TLK2: variants seen among roughly 807,000 people sequenced by gnomAD.
TLK2 encodes the protein serine/threonine-protein kinase tousled-like 2.
TLK2 carries 6 observed loss-of-function variants against 117.3 expected under a neutral mutation model. The observed-to-expected ratio is 0.05, with a 90% CI of 0.03 to 0.10. The LOEUF is 0.10. TLK2 is among the 10% of genes least tolerant of loss of function. TLK2 has a pLI of 1.00. For synonymous variants in TLK2, 257 were observed against 316.7 expected, an observed-to-expected ratio of 0.81 and a Z score of 2.00; for missense variants, 299 against 901.2, an observed-to-expected ratio of 0.33 and a Z score of 8.56.
rs1420587981 is a variant in TLK2 at position 62,614,226 on chromosome 17, T to A, written c.*1661T>A. Reference sequence around the variant, plus strand: ...ATTTGGTTGTTTCTGAGATGTATGATCAACTGAAGATGGAGCTGAAATGGG... The same window carrying A: ...ATTTGGTTGTTTCTGAGATGTATGAACAACTGAAGATGGAGCTGAAATGGG... On this transcript the variant is annotated 3_prime_UTR_variant, in exon 22 of 22. Coordinates refer to ENST00000346027, the MANE Select transcript of TLK2 (RefSeq NM_006852.6). 3.9e-5 allele frequency: 6 copies of A among 151,928 alleles called. No homozygotes were observed. The highest frequency in any genetic ancestry group is 8.8e-5 in the Non-Finnish European group (6 of 68,016). 9.4% of individuals were successfully genotyped at this position (151,928 alleles called of 1,614,324 possible). A position where few individuals can be genotyped will look rare whatever the true frequency, so the allele number is the denominator to read the frequency against.
At chr17:62,596,745 G>A (rs2082505875) in intron 17 of TLK2, 71 bp downstream of exon 17, 2 of 1,349,812 alleles carry the variant, frequency 1.5e-6, no homozygotes, top group South Asian at 1.2e-5. Context: ...ATGGAATAGA[G>A]CTGAACTCTG....
In TLK2 at chr17:62,612,566, G is replaced by A. The variant is rs1213493321; in HGVS notation, c.*1G>A. The A allele has an allele frequency of 1.6e-5, 26 of 1,609,782 alleles. No homozygotes were observed. The highest frequency in any genetic ancestry group is 2.2e-5 in the Non-Finnish European group (26 of 1,177,554). ...GTCCAATAACAGTTCTTCTAATTGAGACTGACTCCAAGGCCACAAACTGTT... is the reference window on the plus strand; with the variant it reads ...GTCCAATAACAGTTCTTCTAATTGAAACTGACTCCAAGGCCACAAACTGTT... On this transcript the variant is annotated 3_prime_UTR_variant, in exon 22 of 22. Coordinates refer to ENST00000346027, the MANE Select transcript of TLK2 (RefSeq NM_006852.6).
At chr17:62,534,403 G>A (rs1178019988) in intron 6 of TLK2, among the ~76,000 whole-genome samples, 1 of 152,298 alleles carries the variant, frequency 6.6e-6, no homozygotes, top group East Asian at 1.9e-4. Context: ...ATATTCATCT[G>A]TGAAGCTGTA....
At chr17:62,541,920 ACTAT>A (rs1399929000) in intron 7 of TLK2, among the ~76,000 whole-genome samples, 3 of 152,326 alleles carry the variant, frequency 2.0e-5, no homozygotes, top group East Asian at 3.9e-4. Context: ...CAGTATGAAG[ACTAT>A]CTGTTTGTAC....
Position 62,520,874 on chromosome 17 carries a change from T to C in TLK2, c.153+30T>C, listed in dbSNP as rs1598359493. 5.6e-6 allele frequency: 9 copies of C among 1,608,572 alleles called. No individual in the cohort carries two copies. The East Asian group carries it at 1.8e-4, about 32-fold the overall frequency. On this transcript the variant is annotated intron_variant, in intron 3 of 21. Transcript: ENST00000346027. ...GAAGCTATGTTCATGGCAGGACTTT[T>C]CATACTTGTACGTTTGGGCCAGGTT...
At chr17:62,578,398 C>G (rs949630419) in intron 13 of TLK2, 79 bp from the exon 14 acceptor site, 2 of 1,089,866 alleles carry the variant, frequency 1.8e-6, no homozygotes, top group African/African-American at 3.1e-5. Context: ...AGATAAATGT[C>G]TGCTATTGTT....
At chr17:62,541,196 A>G (rs540795073) in intron 7 of TLK2, among the ~76,000 whole-genome samples, 33 of 152,196 alleles carry the variant, frequency 2.2e-4, no homozygotes, top group African/African-American at 7.7e-4. Context: ...CTGAGCTCCT[A>G]GGCCCTGCGT....
At chr17:62,512,109 G>C (rs1263049760) in intron 2 of TLK2, among the ~76,000 whole-genome samples, 1 of 151,728 alleles carries the variant, frequency 6.6e-6, no homozygotes, top group Non-Finnish European at 1.5e-5. Context: ...CATTCTTAAA[G>C]GTGTGTAATG....
chr17:62,482,449 TTTTG>T (rs1490102817), intron 2 of TLK2, among the ~76,000 whole-genome samples: 9 of 129,910 alleles, frequency 6.9e-5, no homozygotes, highest in African/African-American at 2.2e-4. Context: ...CTTGATAGGG[TTTTG>T]TTTTTTTTTT....
At chr17:62,573,799 G>T (rs2080516344) in intron 12 of TLK2, among the ~76,000 whole-genome samples, 2 of 152,120 alleles carry the variant, frequency 1.3e-5, no homozygotes, top group Non-Finnish European at 1.5e-5. Context: ...CTTAGGATAA[G>T]CCCCCCAGAA....
intron 1 of TLK2, among the ~76,000 whole-genome samples, chr17:62,472,294 C>T (rs939445072): frequency 1.3e-5 from 2 of 152,116 alleles, no homozygotes; most frequent in African/African-American, 4.8e-5. Context: ...AACTGTTATG[C>T]CTACAGTTTG....
upstream of TLK2, among the ~76,000 whole-genome samples, chr17:62,474,057 A>G (rs1193694448): frequency 6.6e-6 from 1 of 151,944 alleles, no homozygotes; most frequent in Non-Finnish European, 1.5e-5. Context: ...CAACATGCGC[A>G]TCTAACTTTT....
chr17:62,603,760 G>A (rs1226196216), intron 19 of TLK2, among the ~76,000 whole-genome samples: 3 of 152,008 alleles, frequency 2.0e-5, no homozygotes, highest in Non-Finnish European at 4.4e-5. Context: ...TTAGATTATA[G>A]TTGAGATTTT....
chr17:62,613,180 AT>A lies in TLK2; in HGVS notation c.*616del, dbSNP rs1311507261. Reference sequence around the variant, plus strand: ...TCTCCCCTTTTTTATTTTTGAAAGAATACATTTGGTCATAAAGTGAAACCCG... The same window carrying A: ...TCTCCCCTTTTTTATTTTTGAAAGAAACATTTGGTCATAAAGTGAAACCCG... On this transcript the variant is annotated 3_prime_UTR_variant, in exon 22 of 22. Coordinates refer to ENST00000346027, the MANE Select transcript of TLK2 (RefSeq NM_006852.6). 1 of 152,794 alleles carries A rather than the reference AT, an allele frequency of 6.5e-6. No individual in the cohort carries two copies. Among genetic ancestry groups the A allele is most frequent in the East Asian group, 1.9e-4 (1 of 5,182 alleles). The allele number at this position is 152,794 out of a possible 1,614,324, so 9.5% of individuals were successfully genotyped here. A position where few individuals can be genotyped will look rare whatever the true frequency, so the allele number is the denominator to read the frequency against.
rs371871752 is a variant in TLK2 at position 62,605,920 on chromosome 17, C to T, written c.1860-210C>T. Among the ~76,000 whole-genome samples the T allele has an allele frequency of 1.3e-4, 19 of 148,060 alleles. No individual in the cohort carries two copies. In the East Asian group the frequency reaches 3.2e-3, roughly 25 times the overall value. Reference sequence around the variant, plus strand: ...TACTTGGGAGGCTGAGGTGGGGAAACCACCCGAGCTCGGGAGGTTGAGGCC... The same window carrying T: ...TACTTGGGAGGCTGAGGTGGGGAAATCACCCGAGCTCGGGAGGTTGAGGCC... On this transcript the variant is annotated intron_variant, in intron 19 of 21. Transcript: ENST00000346027.
chr17:62,590,480 C>A (rs2081997389), intron 16 of TLK2, among the ~76,000 whole-genome samples: 1 of 152,142 alleles, frequency 6.6e-6, no homozygotes, highest in Non-Finnish European at 1.5e-5. Flanking sequence ...TTATCAAATG[C>A]AATATTACAA....
intron 7 of TLK2, among the ~76,000 whole-genome samples, chr17:62,547,710 T>C (rs1259031302): frequency 1.3e-5 from 2 of 152,154 alleles, no homozygotes; most frequent in Non-Finnish European, 2.9e-5. Context: ...GAAGACAACT[T>C]AGAGTCAGAA....
Position 62,608,103 on chromosome 17 carries a change from T to G in TLK2, c.2034T>G (p.Thr678=). 1 of 1,614,086 alleles carries G rather than the reference T, an allele frequency of 6.2e-7. No homozygotes were observed. Among genetic ancestry groups the G allele is most frequent in the Non-Finnish European group, 8.5e-7 (1 of 1,180,018 alleles). Residue 678 remains threonine (T), a synonymous_variant, in exon 21 of 22, where the codon ACT becomes ACG. Transcript: ENST00000346027. The part of the protein sequence containing the change: ...ILQENTILKA[T]EVQFPPKPVV... Reference sequence around the variant, plus strand: ...AAGAGAATACGATTCTTAAAGCTACTGAAGTGCAGTTCCCGCCAAAGCCAG... The same window carrying G: ...AAGAGAATACGATTCTTAAAGCTACGGAAGTGCAGTTCCCGCCAAAGCCAG...
chr17:62,591,700 C>T (rs1159307530), intron 16 of TLK2, among the ~76,000 whole-genome samples: 4 of 152,190 alleles, frequency 2.6e-5, no homozygotes, highest in Non-Finnish European at 5.9e-5. Context: ...TATGTAATTA[C>T]TTTTAGATTC....
Sources: allele counts gnomAD v4.1 joint callset (sites outside exome capture counted in the v4.1 genomes callset), GRCh38; gene constraint gnomAD v4.1.1; transcripts MANE v1.5; gene names NCBI Gene and HGNC (gene_info 2026-07-23, HGNC 2026-07-21).